Variants in NDUFAF2 observed in about 807,000 individuals in gnomAD.
The protein encoded by NDUFAF2 is NADH:ubiquinone oxidoreductase complex assembly factor 2.
NDUFAF2 carries 13 observed loss-of-function variants against 22.8 expected under a neutral mutation model. The ratio of observed to expected loss-of-function variants is 0.57; its 90% confidence interval spans 0.37 to 0.91. The LOEUF (loss-of-function observed/expected upper bound fraction) is 0.91, where lower values mean the gene tolerates loss of function less well. Among genes scored for constraint, NDUFAF2 ranks in the 40% least tolerant of loss-of-function variants. NDUFAF2 has a pLI of 0.01. For synonymous variants in NDUFAF2, 53 were observed against 64.2 expected (o/e 0.83, Z 0.84); for missense variants, 162 against 195.2 (o/e 0.83, Z 1.01).
chr5:61,147,768 G>A (rs759917255), intron 3 of NDUFAF2, among the ~76,000 whole-genome samples: 54 of 152,104 alleles, frequency 3.6e-4, no homozygotes, highest in Non-Finnish European at 6.3e-4. Flanking sequence ...AATGGTATGT[G>A]GCTAGTGCCT....
chr5:61,021,775 G>A (rs1474964140), intron 1 of NDUFAF2, among the ~76,000 whole-genome samples: 1 of 152,040 alleles, frequency 6.6e-6, no homozygotes, highest in Non-Finnish European at 1.5e-5. Flanking sequence ...GTGTTGTTTA[G>A]CATTTTAGTT....
At chr5:60,973,286 G>A (rs1420946297) in intron 1 of NDUFAF2, among the ~76,000 whole-genome samples, 2 of 152,056 alleles carry the variant, frequency 1.3e-5, no homozygotes, top group Non-Finnish European at 2.9e-5. Flanking sequence ...CTGTAGTCTT[G>A]AATCTTCATG....
intron 1 of NDUFAF2, among the ~76,000 whole-genome samples, chr5:60,971,783 G>A (rs1036185875): frequency 1.3e-5 from 2 of 152,060 alleles, no homozygotes; most frequent in African/African-American, 4.8e-5. Context: ...CCCTACAAAG[G>A]ACATGAACTC....
intron 1 of NDUFAF2, among the ~76,000 whole-genome samples, chr5:60,980,584 C>T (rs921723934): frequency 5.3e-5 from 8 of 152,032 alleles, no homozygotes; most frequent in Admixed American, 5.2e-4. Flanking sequence ...CCATCCTGGG[C>T]AACATGGTAA....
intron 2 of NDUFAF2, among the ~76,000 whole-genome samples, chr5:61,079,390 T>C (rs1301474237): frequency 6.6e-6 from 1 of 152,222 alleles, no homozygotes; most frequent in Non-Finnish European, 1.5e-5. Context: ...CAATGGTCAT[T>C]TACTACCTTG....
At chr5:61,061,022 C>G (rs1003314965) in intron 1 of NDUFAF2, among the ~76,000 whole-genome samples, 2 of 152,196 alleles carry the variant, frequency 1.3e-5, no homozygotes, top group Middle Eastern at 3.4e-3. Flanking sequence ...TTCTTAGGAA[C>G]CATTGGTGTC....
intron 1 of NDUFAF2, among the ~76,000 whole-genome samples, chr5:61,064,108 T>C (rs1752200474): frequency 6.6e-6 from 1 of 152,098 alleles, no homozygotes; most frequent in Non-Finnish European, 1.5e-5. Context: ...TTACATATGA[T>C]AAAATAGACT....
chr5:60,970,225 A>ATAC (rs1215396598), intron 1 of NDUFAF2, among the ~76,000 whole-genome samples: 2 of 152,164 alleles, frequency 1.3e-5, no homozygotes, highest in Non-Finnish European at 2.9e-5. Context: ...ATGGTTCTAT[A>ATAC]TACATTTTAG....
chr5:61,007,786 G>A (rs995664728), intron 1 of NDUFAF2, among the ~76,000 whole-genome samples: 1 of 152,176 alleles, frequency 6.6e-6, no homozygotes, highest in Non-Finnish European at 1.5e-5. Flanking sequence ...ATTTGACCCA[G>A]TCATCCCATT....
chr5:60,959,191 A>G (rs1750653877), intron 1 of NDUFAF2, among the ~76,000 whole-genome samples: 1 of 152,078 alleles, frequency 6.6e-6, no homozygotes, highest in African/African-American at 2.4e-5. Context: ...GAAGATCATG[A>G]TATATAGCTC....
Position 60,945,255 on chromosome 5 carries a change from C to T in NDUFAF2, c.-1C>T. The T allele has an allele frequency of 6.2e-7, 1 of 1,612,822 alleles. No individual in the cohort carries two copies. Among genetic ancestry groups the T allele is most frequent in the East Asian group, 2.2e-5 (1 of 44,850 alleles). ...GCAGCGCTGGAAACTGGGTGGACGGCATGGGTTGGTCTCAGGATTTGTTCC... is the reference window on the plus strand; with the variant it reads ...GCAGCGCTGGAAACTGGGTGGACGGTATGGGTTGGTCTCAGGATTTGTTCC... On this transcript the variant is annotated 5_prime_UTR_variant, in exon 1 of 4. Transcript: ENST00000296597.
intron 2 of NDUFAF2, among the ~76,000 whole-genome samples, chr5:61,074,443 T>G (rs1752340780): frequency 6.6e-6 from 1 of 151,934 alleles, no homozygotes; most frequent in Non-Finnish European, 1.5e-5. Flanking sequence ...AAAAATTAGC[T>G]GGGCATGGTG....
rs985967824 is a variant in NDUFAF2, at chr5:61,094,804, C to T, written c.218-4188C>T. Among the ~76,000 whole-genome samples, 9 of 152,202 alleles carry T rather than the reference C, an allele frequency of 5.9e-5. 1 individual carries two copies. The highest frequency in any genetic ancestry group is 2.0e-4 in the Admixed American group (3 of 15,278). On this transcript the variant is annotated intron_variant, in intron 2 of 3. Coordinates refer to ENST00000296597, the MANE Select transcript of NDUFAF2 (RefSeq NM_174889.5). The stretch of plus-strand genomic sequence containing the variant: ...CTGTAGACATCACCAATGAAGGCTG[C>T]GAAACAGCAAAGCTGGCAGCCTGCG...
Position 61,149,730 on chromosome 5 carries a change from T to C in NDUFAF2, c.259-2974T>C, listed in dbSNP as rs542655865. Among the ~76,000 whole-genome samples the C allele has an allele frequency of 1.4e-4, 21 of 152,340 alleles. 1 individual carries two copies. The South Asian group carries it at 4.1e-3, about 30-fold the overall frequency. On this transcript the variant is annotated intron_variant, in intron 3 of 3. Coordinates refer to ENST00000296597, the MANE Select transcript of NDUFAF2 (RefSeq NM_174889.5). Reference sequence around the variant, plus strand: ...TCCTTACACAAACACTGAAACATACTGTTATTTGATAAACGTATGGAGATA... The same window carrying C: ...TCCTTACACAAACACTGAAACATACCGTTATTTGATAAACGTATGGAGATA...
intron 1 of NDUFAF2, among the ~76,000 whole-genome samples, chr5:61,005,597 C>T (rs189531017): frequency 2.6e-5 from 4 of 152,164 alleles, no homozygotes; most frequent in Admixed American, 6.6e-5. Flanking sequence ...TCTGCAGCAC[C>T]TGTTGTTTCC....
intron 1 of NDUFAF2, among the ~76,000 whole-genome samples, chr5:61,049,815 TATATACATATATATAAATACACACATAC>T: frequency 6.6e-6 from 1 of 151,892 alleles, no homozygotes; most frequent in South Asian, 2.1e-4. Flanking sequence ...TGTGTGTATT[TATATACATATATATAAATACACACATAC>T]ACAATGAAAA....
chr5:61,125,412 G>C (rs1393923851), intron 3 of NDUFAF2, among the ~76,000 whole-genome samples: 1 of 151,998 alleles, frequency 6.6e-6, no homozygotes, highest in Non-Finnish European at 1.5e-5. Context: ...CTCTGGAAGG[G>C]AGAAGTAGGT....
chr5:61,070,282 A>G (rs1338454651), intron 1 of NDUFAF2, among the ~76,000 whole-genome samples: 1 of 152,260 alleles, frequency 6.6e-6, no homozygotes, highest in South Asian at 2.1e-4. Flanking sequence ...ATGAAAGCAT[A>G]TTAGTATAAG....
At chr5:61,017,758 G>GT (rs34069492) in intron 1 of NDUFAF2, among the ~76,000 whole-genome samples, 29,951 of 149,938 alleles carry the variant, frequency 0.2, 3,513 homozygotes, top group Non-Finnish European at 0.27. Flanking sequence ...ATTTATTTAT[G>GT]TTTTTTTTTG....
Sources: gnomAD v4.1 joint callset for allele counts (sites outside exome capture counted in the v4.1 genomes callset) on GRCh38, gnomAD v4.1.1 for gene constraint, MANE v1.5 for transcripts, NCBI Gene and HGNC (gene_info 2026-07-23, HGNC 2026-07-21) for gene names.